GPC6: variants seen among roughly 807,000 people sequenced by gnomAD.
The protein encoded by GPC6 is glypican 6, also known as glypican-6.
In GPC6, 14 loss-of-function variants were observed where a neutral mutation model predicts 55.2. The observed-to-expected ratio is 0.25, with a 90% CI of 0.17 to 0.40. The LOEUF is 0.40. Among genes scored for constraint, GPC6 ranks in the 10% least tolerant of loss-of-function variants. GPC6 has a pLI of 1.00. For synonymous variants in GPC6, 278 were observed against 259.6 expected, an observed-to-expected ratio of 1.07 and a Z score of -0.68; for missense variants, 641 against 708.5, an observed-to-expected ratio of 0.90 and a Z score of 1.08.
At chr13:94,163,191 T>C (rs938284138) in intron 4 of GPC6, among the ~76,000 whole-genome samples, 1 of 152,178 alleles carries the variant, frequency 6.6e-6, no homozygotes, top group Non-Finnish European at 1.5e-5. Flanking sequence ...TTTTTGTTAA[T>C]TTTTATTATG....
At chr13:93,341,273 A>G (rs1478264627) in intron 1 of GPC6, among the ~76,000 whole-genome samples, 1 of 152,186 alleles carries the variant, frequency 6.6e-6, no homozygotes, top group African/African-American at 2.4e-5. Flanking sequence ...CAGTAGTGGG[A>G]TCACTGGATT....
At position 93,910,055 on chromosome 13, in the gene GPC6, G is replaced by A. The variant is rs527688079; in HGVS notation, c.711+79510G>A. ...ACAAAACTCTAAGAATTTACAGCTCGTGTGTTTGTGTGTGTGTGTGTGTGT... is the reference window on the plus strand; with the variant it reads ...ACAAAACTCTAAGAATTTACAGCTCATGTGTTTGTGTGTGTGTGTGTGTGT... On this transcript the variant is annotated intron_variant, in intron 3 of 8. Coordinates refer to ENST00000377047, the MANE Select transcript of GPC6 (RefSeq NM_005708.5). Among the ~76,000 whole-genome samples the A allele has an allele frequency of 6.8e-5, 10 of 146,948 alleles. No homozygotes were observed. The South Asian group carries it at 8.8e-4, about 13-fold the overall frequency.
intron 4 of GPC6, among the ~76,000 whole-genome samples, chr13:94,038,240 G>A (rs1281885887): frequency 9.9e-5 from 15 of 151,908 alleles, no homozygotes; most frequent in Admixed American, 9.9e-4. Context: ...ACTGGCTACT[G>A]TATTGGACAG....
chr13:93,660,313 A>G (rs1028242327), intron 2 of GPC6, among the ~76,000 whole-genome samples: 4 of 152,050 alleles, frequency 2.6e-5, no homozygotes, highest in South Asian at 2.1e-4. Flanking sequence ...TTCCATGTAC[A>G]TGTTTTAAGG....
chr13:94,396,664 T>G (rs923794408), intron 7 of GPC6, among the ~76,000 whole-genome samples: 1 of 152,208 alleles, frequency 6.6e-6, no homozygotes, highest in Non-Finnish European at 1.5e-5. Flanking sequence ...AATTGCACTA[T>G]GCAAGGAAAA....
intron 4 of GPC6, among the ~76,000 whole-genome samples, chr13:94,085,321 CAAAAAAAAAAAA>C (rs33967804): frequency 1.1e-5 from 1 of 87,050 alleles, no homozygotes; most frequent in Non-Finnish European, 2.2e-5. Flanking sequence ...GATTCTGTCT[CAAAAAAAAAAAA>C]AAAAAAAAAA....
chr13:93,252,640 G>A (rs1248274363), intron 1 of GPC6, among the ~76,000 whole-genome samples: 1 of 151,992 alleles, frequency 6.6e-6, no homozygotes, highest in African/African-American at 2.4e-5. Flanking sequence ...ATATTTTCTT[G>A]TATCATTTAA....
At chr13:93,441,997 T>C (rs548089713) in intron 1 of GPC6, among the ~76,000 whole-genome samples, 108 of 152,266 alleles carry the variant, frequency 7.1e-4, no homozygotes, top group African/African-American at 2.5e-3. Flanking sequence ...CTCTGCTGGA[T>C]AGAACGATCT....
chr13:93,528,737 A>G (rs886719130), intron 1 of GPC6, among the ~76,000 whole-genome samples: 1 of 152,202 alleles, frequency 6.6e-6, no homozygotes, highest in Non-Finnish European at 1.5e-5. Flanking sequence ...CCCTGTCTTG[A>G]GTTAGCGATT....
At position 93,873,591 on chromosome 13, in the gene GPC6, T is replaced by G. The variant is rs183428652; in HGVS notation, c.711+43046T>G. 5.4e-4 allele frequency among the ~76,000 whole-genome samples: 82 copies of G among 152,028 alleles called. No homozygotes were observed. In the South Asian group the frequency reaches 0.016, roughly 30 times the overall value. On this transcript the variant is annotated intron_variant, in intron 3 of 8. Coordinates refer to ENST00000377047, the MANE Select transcript of GPC6 (RefSeq NM_005708.5). The stretch of plus-strand genomic sequence containing the variant: ...CATTCTGTGCACAAGACAGCCCCTA[T>G]GACAAATAATCATCTGGCCCCACCT...
intron 1 of GPC6, among the ~76,000 whole-genome samples, chr13:93,316,834 T>G (rs1322844579): frequency 6.6e-6 from 1 of 152,114 alleles, no homozygotes; most frequent in Non-Finnish European, 1.5e-5. Context: ...AATGTTTGTT[T>G]CATTGCTCAG....
chr13:93,221,378 T>A, the GPC6 span, among the ~76,000 whole-genome samples: 1 of 152,090 alleles, frequency 6.6e-6, no homozygotes, highest in Admixed American at 6.5e-5. Context: ...TAGGAGAAAA[T>A]CTGATTAAGT....
intron 1 of GPC6, among the ~76,000 whole-genome samples, chr13:93,483,575 T>A (rs1390799462): frequency 6.6e-6 from 1 of 152,180 alleles, no homozygotes; most frequent in Non-Finnish European, 1.5e-5. Flanking sequence ...TATGCTATCC[T>A]GCAATAATTC....
chr13:93,291,177 T>C (rs978779482), intron 1 of GPC6, among the ~76,000 whole-genome samples: 4 of 152,180 alleles, frequency 2.6e-5, no homozygotes, highest in African/African-American at 9.7e-5. Flanking sequence ...AACTCTTTTA[T>C]AGTTAATAGT....
rs1295967727 is a variant in GPC6, at chr13:94,242,042, A to G, written c.878-44307A>G. Among the ~76,000 whole-genome samples, 3 of 152,010 alleles carry G rather than the reference A, an allele frequency of 2.0e-5. No individual in the cohort carries two copies. The East Asian group carries it at 5.8e-4, about 30-fold the overall frequency. ...CATTAACTCGTCATTTACATTAGGT[A>G]TATCTCCTAATGCTATCCCTCCCCA... On this transcript the variant is annotated intron_variant, in intron 4 of 8. Coordinates refer to ENST00000377047, the MANE Select transcript of GPC6 (RefSeq NM_005708.5).
intron 3 of GPC6, among the ~76,000 whole-genome samples, chr13:93,944,209 TATTTA>T (rs1878882541): frequency 1.0e-5 from 1 of 98,850 alleles, no homozygotes. Context: ...TTTATTTATT[TATTTA>T]TTTTTTCCTG....
chr13:93,431,035 A>T (rs1206057172), intron 1 of GPC6, among the ~76,000 whole-genome samples: 1 of 152,090 alleles, frequency 6.6e-6, no homozygotes, highest in East Asian at 1.9e-4. Flanking sequence ...GGAGAACAAT[A>T]TTATTTATTT....
At chr13:93,988,680 T>C (rs1881148068) in intron 3 of GPC6, among the ~76,000 whole-genome samples, 2 of 151,976 alleles carry the variant, frequency 1.3e-5, no homozygotes. Context: ...ACTCATGAGA[T>C]CCCCACCCTC....
intron 2 of GPC6, among the ~76,000 whole-genome samples, chr13:93,567,119 A>G (rs755256735): frequency 2.0e-5 from 3 of 152,178 alleles, no homozygotes; most frequent in Non-Finnish European, 4.4e-5. Flanking sequence ...TTCTAGTTCT[A>G]GATCCTTGAG....
Sources: gnomAD v4.1 joint callset for allele counts (sites outside exome capture counted in the v4.1 genomes callset) on GRCh38, gnomAD v4.1.1 for gene constraint, MANE v1.5 for transcripts, NCBI Gene and HGNC (gene_info 2026-07-23, HGNC 2026-07-21) for gene names.